The following JADE3 variants were observed in gnomAD, a reference collection of about 807,000 sequenced individuals.
JADE3 encodes the protein protein Jade-3.
JADE3 carries 2 observed loss-of-function variants against 50.1 expected under a neutral mutation model. The observed-to-expected ratio is 0.04, with a 90% confidence interval of 0.02 to 0.13. The LOEUF (loss-of-function observed/expected upper bound fraction) is 0.13. Among genes scored for constraint, JADE3 ranks in the 10% least tolerant of loss-of-function variants. The pLI is 1.00. For missense variants in JADE3, 475 were observed against 634.4 expected, an observed-to-expected ratio of 0.75 and a Z score of 2.70; for synonymous variants, 218 against 232.9, an observed-to-expected ratio of 0.94 and a Z score of 0.58.
rs781809620 is a variant in JADE3, at chrX:47,011,049, G to GC, written c.284+12776dup. Among the ~76,000 whole-genome samples, 16 of 110,909 alleles carry GC rather than the reference G, an allele frequency of 1.4e-4. No homozygotes were observed. In the South Asian group the frequency reaches 5.0e-3, roughly 35 times the overall value. ...AGGACACCAGCCCTATCAGACTAAG[G>GC]CCCCATCCTTATGACCTCTCATAAC... On this transcript the variant is annotated intron_variant, in intron 4 of 10. Transcript: ENST00000614628.
At chrX:47,036,611 A>G (rs2146981421) in intron 7 of JADE3, among the ~76,000 whole-genome samples, 1 of 102,422 alleles carries the variant, frequency 9.8e-6, no homozygotes, top group Non-Finnish European at 2.0e-5. Flanking sequence ...ATTACTGGGT[A>G]TATACCCAAA....
At position 46,998,236 on chromosome X, in the gene JADE3, G is replaced by A; in HGVS notation, c.243G>A (p.Gln81=). Residue 81 remains glutamine (Q), a synonymous_variant, in exon 4 of 11, where the codon CAG becomes CAA. Coordinates refer to ENST00000614628, the MANE Select transcript of JADE3 (RefSeq NM_014735.5). ...AGGAAGAATGGGAAAAGGGAGTCCA[G>A]GTACCAGCCAGTCCAGACACCGTTC... ...TWKEEWEKGV[Q]VPASPDTVPQ... is the part of the protein sequence containing the mutation. The A allele has an allele frequency of 8.3e-7, 1 of 1,209,311 alleles. No homozygotes were observed. The highest frequency in any genetic ancestry group is 1.1e-6 in the Non-Finnish European group (1 of 893,979).
intron 4 of JADE3, among the ~76,000 whole-genome samples, chrX:47,011,255 G>C (rs1928559088): frequency 8.9e-6 from 1 of 112,323 alleles, no homozygotes; most frequent in South Asian, 3.6e-4. Flanking sequence ...ATGGCATTTT[G>C]AGTCTGACTT....
chrX:46,987,742 G>A (rs953321944), intron 3 of JADE3, among the ~76,000 whole-genome samples: 18 of 112,117 alleles, frequency 1.6e-4, no homozygotes, highest in African/African-American at 5.8e-4. Flanking sequence ...CTTTTAGGAC[G>A]ACAGCTGGTT....
At chrX:46,961,481 A>G (rs1398282291) in intron 1 of JADE3, among the ~76,000 whole-genome samples, 1 of 112,367 alleles carries the variant, frequency 8.9e-6, no homozygotes, top group Admixed American at 9.5e-5. Flanking sequence ...TTGCATATTA[A>G]TAGCTTAGGG....
At chrX:46,934,725 G>A (rs1447304289) in intron 1 of JADE3, among the ~76,000 whole-genome samples, 2 of 110,920 alleles carry the variant, frequency 1.8e-5, no homozygotes, top group Admixed American at 9.6e-5. Flanking sequence ...CTGAGCCACC[G>A]TGCCCGGCCT....
At chrX:46,927,474 A>G (rs1341207300) in intron 1 of JADE3, among the ~76,000 whole-genome samples, 4 of 112,276 alleles carry the variant, frequency 3.6e-5, no homozygotes, top group African/African-American at 1.3e-4. Flanking sequence ...AGAGTCTTGT[A>G]TAACATCCAA....
chrX:47,040,669 A>G (rs1026734431), intron 8 of JADE3, among the ~76,000 whole-genome samples: 4 of 112,135 alleles, frequency 3.6e-5, no homozygotes, highest in African/African-American at 1.3e-4. Context: ...CCTCCAGTCC[A>G]TGGAAAAATT....
intron 3 of JADE3, among the ~76,000 whole-genome samples, chrX:46,990,611 A>C (rs973124159): frequency 9.0e-6 from 1 of 111,509 alleles, no homozygotes; most frequent in Non-Finnish European, 1.9e-5. Flanking sequence ...GCTGGGAGAG[A>C]GTGAACATCA....
chrX:46,980,894 G>A (rs868948473), intron 1 of JADE3, among the ~76,000 whole-genome samples: 1 of 111,182 alleles, frequency 9.0e-6, no homozygotes, highest in African/African-American at 3.3e-5. Context: ...ATCTGGGTGG[G>A]TCCAATGTAA....
intron 10 of JADE3, among the ~76,000 whole-genome samples, chrX:47,056,748 A>G (rs1404869202): frequency 8.9e-6 from 1 of 112,061 alleles, no homozygotes; most frequent in African/African-American, 3.2e-5. Flanking sequence ...CCACTTGGTG[A>G]GCAAGACAGG....
At chrX:47,001,326 T>C (rs1156549202) in intron 4 of JADE3, among the ~76,000 whole-genome samples, 2 of 111,724 alleles carry the variant, frequency 1.8e-5, no homozygotes, top group Non-Finnish European at 3.8e-5. Flanking sequence ...TCTGAGAATT[T>C]GCATTTCTAA....
rs1929718695 is a variant in JADE3 at position 47,059,609 on chromosome X, G to A, written c.*532G>A. On this transcript the variant is annotated 3_prime_UTR_variant, in exon 11 of 11. Coordinates refer to ENST00000614628, the MANE Select transcript of JADE3 (RefSeq NM_014735.5). ...TACTGTCTTCCTTTGTTCTGCACAA[G>A]GTTGAGTTTCTTTCACAGTATCTTA... 8.9e-6 allele frequency: 1 copy of A among 112,412 alleles called. No homozygotes were observed. Among genetic ancestry groups the A allele is most frequent in the Admixed American group, 9.5e-5 (1 of 10,484 alleles). 9.3% of individuals were successfully genotyped at this position (112,412 alleles called of 1,213,427 possible). A position where few individuals can be genotyped will look rare whatever the true frequency, so the allele number is the denominator to read the frequency against.
rs372613339 is a variant in JADE3 at position 46,983,651 on chromosome X, G to A, written c.-11-1233G>A. Among the ~76,000 whole-genome samples the A allele has an allele frequency of 9.8e-5, 11 of 111,711 alleles. No homozygotes were observed. In the East Asian group the frequency reaches 3.1e-3, roughly 31 times the overall value. ...TGTACTCTGGCATGAGATCTTTGCT[G>A]GGAGGGAAGATGGAGGAAGTGGTTC... is the stretch of plus-strand genomic sequence containing the variant. On this transcript the variant is annotated intron_variant, in intron 1 of 10. Coordinates refer to ENST00000614628, the MANE Select transcript of JADE3 (RefSeq NM_014735.5).
chrX:46,950,992 T>A (rs971708582), intron 1 of JADE3, among the ~76,000 whole-genome samples: 1 of 111,362 alleles, frequency 9.0e-6, no homozygotes, highest in East Asian at 2.8e-4. Flanking sequence ...GATCATGATG[T>A]GCCTAGGTGT....
intron 1 of JADE3, among the ~76,000 whole-genome samples, chrX:46,980,099 C>G (rs1556352617): frequency 9.2e-6 from 1 of 108,961 alleles, no homozygotes; most frequent in African/African-American, 3.3e-5. Flanking sequence ...AGGCTGGTCT[C>G]GAACTCCTGA....
Position 47,059,269 on chromosome X carries a change from CAGGTTGTCCAG to C in JADE3, c.*199_*209del. ...TTTTACAAGCACATTACAGTAATTG[CAGGTTGTCCAG>C]AGGTTGGTTTGTCAGAGGCTATTGG... On this transcript the variant is annotated 3_prime_UTR_variant, in exon 11 of 11. Transcript: ENST00000614628. 2 of 398,628 alleles carry C rather than the reference CAGGTTGTCCAG, an allele frequency of 5.0e-6. No homozygotes were observed. Among genetic ancestry groups the C allele is most frequent in the Middle Eastern group, 6.8e-4 (1 of 1,481 alleles). The allele number at this position is 398,628 out of a possible 1,213,427, so 32.9% of individuals were successfully genotyped here.
chrX:46,933,921 C>G (rs959304866), intron 1 of JADE3, among the ~76,000 whole-genome samples: 3 of 110,573 alleles, frequency 2.7e-5, no homozygotes, highest in Non-Finnish European at 5.7e-5. Context: ...TTGTCAAACC[C>G]ATCAGAGAGA....
At chrX:46,989,222 C>T (rs1278718474) in intron 3 of JADE3, among the ~76,000 whole-genome samples, 1 of 112,159 alleles carries the variant, frequency 8.9e-6, no homozygotes, top group Non-Finnish European at 1.9e-5. Context: ...TCTGATTTTC[C>T]TGGCCTTACT....
Sources: gnomAD v4.1 joint callset for allele counts (sites outside exome capture counted in the v4.1 genomes callset) on GRCh38, gnomAD v4.1.1 for gene constraint, MANE v1.5 for transcripts, NCBI Gene and HGNC (gene_info 2026-07-23, HGNC 2026-07-21) for gene names.